Variants in TCERG1L observed in about 807,000 individuals in gnomAD.
TCERG1L encodes the protein transcription elongation regulator 1-like protein.
TCERG1L carries 37 observed loss-of-function variants against 56.3 expected under a neutral mutation model. The observed-to-expected ratio is 0.66, with a 90% CI of 0.51 to 0.87. The LOEUF (loss-of-function observed/expected upper bound fraction) is 0.87. Ranked by LOEUF, TCERG1L falls within the 40% of genes least tolerant of loss-of-function variation. TCERG1L has a pLI of 0.00. For missense variants in TCERG1L, 799 were observed against 774.2 expected, an observed-to-expected ratio of 1.03 and a Z score of -0.38; for synonymous variants, 324 against 326.3, an observed-to-expected ratio of 0.99 and a Z score of 0.08.
intron 4 of TCERG1L, among the ~76,000 whole-genome samples, chr10:131,202,208 C>T (rs1032805811): frequency 3.3e-5 from 5 of 152,338 alleles, no homozygotes; most frequent in East Asian, 3.9e-4. Context: ...TAACAGCCCA[C>T]GTTAGAAACA....
intron 7 of TCERG1L, among the ~76,000 whole-genome samples, chr10:131,144,929 G>A (rs937158664): frequency 6.6e-6 from 1 of 152,164 alleles, no homozygotes; most frequent in Admixed American, 6.5e-5. Flanking sequence ...GCCCAGTGGG[G>A]GCGTTTGCAG....
Position 131,116,981 on chromosome 10 carries a change from G to C in TCERG1L, c.1260-47C>G, listed in dbSNP as rs1415243410. 1.9e-6 allele frequency: 3 copies of C among 1,569,642 alleles called. No homozygotes were observed. The African/African-American group carries it at 4.1e-5, about 21-fold the overall frequency. On this transcript the variant is annotated intron_variant, in intron 8 of 11. Transcript: ENST00000368642. ...AGTTAGACACACTCGTGGGGACCCA[G>C]CTGGTTTTTATTGCAACCTTTACAA...
chr10:131,250,130 G>A (rs570616041), intron 4 of TCERG1L, among the ~76,000 whole-genome samples: 209 of 152,306 alleles, frequency 1.4e-3, no homozygotes, highest in African/African-American at 4.3e-3. Flanking sequence ...CGGCGTGCAC[G>A]CCTGACGGGG....
At chr10:131,290,623 C>A (rs1385653299) in intron 3 of TCERG1L, among the ~76,000 whole-genome samples, 2 of 100,326 alleles carry the variant, frequency 2.0e-5, no homozygotes, top group East Asian at 5.8e-4. Context: ...AACAGTGAAA[C>A]CCCATCTCAA....
chr10:131,286,350 CATA>C (rs951924668), intron 3 of TCERG1L, among the ~76,000 whole-genome samples: 2 of 152,116 alleles, frequency 1.3e-5, no homozygotes, highest in Non-Finnish European at 2.9e-5. Context: ...TTAAAGATGG[CATA>C]ATAATTTATA....
intron 6 of TCERG1L, among the ~76,000 whole-genome samples, chr10:131,148,379 G>C (rs1334508150): frequency 7.3e-6 from 1 of 136,224 alleles, no homozygotes; most frequent in East Asian, 2.4e-4. Context: ...CAGACATAGA[G>C]ACACACACAT....
At chr10:131,139,420 A>C in intron 7 of TCERG1L, among the ~76,000 whole-genome samples, 1 of 152,280 alleles carries the variant, frequency 6.6e-6, no homozygotes, top group East Asian at 1.9e-4. Flanking sequence ...GGGGGACAGG[A>C]GATGGATAGG....
intron 4 of TCERG1L, among the ~76,000 whole-genome samples, chr10:131,168,325 C>G (rs1194490387): frequency 6.6e-6 from 1 of 152,184 alleles, no homozygotes; most frequent in Non-Finnish European, 1.5e-5. Flanking sequence ...ACTGGGGCCC[C>G]TCTGCAGCTC....
At chr10:131,262,474 A>G (rs1846245295) in intron 3 of TCERG1L, among the ~76,000 whole-genome samples, 1 of 152,206 alleles carries the variant, frequency 6.6e-6, no homozygotes, top group Non-Finnish European at 1.5e-5. Context: ...GCCTATGATG[A>G]GCATATACAG....
intron 7 of TCERG1L, among the ~76,000 whole-genome samples, chr10:131,135,011 T>C (rs1409917536): frequency 3.9e-5 from 6 of 152,192 alleles, no homozygotes. Flanking sequence ...CTTATTTCCA[T>C]TCTGAGGCAG....
intron 4 of TCERG1L, among the ~76,000 whole-genome samples, chr10:131,220,155 G>A (rs868532778): frequency 2.6e-5 from 4 of 152,132 alleles, no homozygotes; most frequent in South Asian, 2.1e-4. Context: ...TTCTCCTGGC[G>A]ACTGTTCCCT....
chr10:131,165,474 T>G (rs1253874752), intron 5 of TCERG1L, among the ~76,000 whole-genome samples: 1 of 152,368 alleles, frequency 6.6e-6, no homozygotes, highest in Admixed American at 6.5e-5. Flanking sequence ...ACAGGTTTTC[T>G]AGTAATAGGA....
chr10:131,297,758 CAG>C (rs1291121215), intron 3 of TCERG1L, among the ~76,000 whole-genome samples: 4 of 152,168 alleles, frequency 2.6e-5, no homozygotes, highest in African/African-American at 4.8e-5. Flanking sequence ...TTATCAGATA[CAG>C]AGTTATTCAT....
intron 3 of TCERG1L, among the ~76,000 whole-genome samples, chr10:131,273,387 G>A (rs1397131701): frequency 1.3e-5 from 2 of 152,156 alleles, no homozygotes; most frequent in Admixed American, 6.5e-5. Context: ...CAAAGCACTC[G>A]CCTGCCTCCT....
chr10:131,199,961 A>C (rs1236005763), intron 4 of TCERG1L, among the ~76,000 whole-genome samples: 1 of 152,170 alleles, frequency 6.6e-6, no homozygotes, highest in African/African-American at 2.4e-5. Flanking sequence ...GCTGTGTCTC[A>C]GCTTCTCCCT....
chr10:131,263,351 ATAAAG>A (rs1846251339), intron 3 of TCERG1L, among the ~76,000 whole-genome samples: 1 of 152,232 alleles, frequency 6.6e-6, no homozygotes, highest in African/African-American at 2.4e-5. Flanking sequence ...AATTTATAAG[ATAAAG>A]TAATTATGCG....
intron 6 of TCERG1L, among the ~76,000 whole-genome samples, chr10:131,150,674 C>T (rs911329305): frequency 6.6e-6 from 1 of 152,178 alleles, no homozygotes; most frequent in Non-Finnish European, 1.5e-5. Flanking sequence ...CTGCCCACTG[C>T]AGAGTTTAAG....
At chr10:131,146,249 G>C (rs188746218) in intron 7 of TCERG1L, among the ~76,000 whole-genome samples, 15 of 152,330 alleles carry the variant, frequency 9.8e-5, no homozygotes, top group African/African-American at 3.1e-4. Flanking sequence ...GAGGGGCGGA[G>C]GGAATGAATG....
At chr10:131,255,303 T>C (rs1846155097) in intron 4 of TCERG1L, among the ~76,000 whole-genome samples, 1 of 152,210 alleles carries the variant, frequency 6.6e-6, no homozygotes, top group Non-Finnish European at 1.5e-5. Flanking sequence ...AGAAAGCATA[T>C]ATCTGAGTGA....
Sources: gnomAD v4.1 joint callset for allele counts (sites outside exome capture counted in the v4.1 genomes callset) on GRCh38, gnomAD v4.1.1 for gene constraint, MANE v1.5 for transcripts, NCBI Gene and HGNC (gene_info 2026-07-23, HGNC 2026-07-21) for gene names.